The following CENPW variants were observed in gnomAD, a reference collection of about 807,000 sequenced individuals.
CENPW encodes cancer-up-regulated gene 2 protein.
CENPW carries 3 observed loss-of-function variants against 11.1 expected under a neutral mutation model. That is an observed-to-expected ratio of 0.27 (90% CI 0.12 to 0.70). CENPW has a LOEUF of 0.70. Ranked by LOEUF, CENPW falls within the 30% of genes least tolerant of loss-of-function variation. The pLI, the probability that CENPW is intolerant of heterozygous loss-of-function variation, is 0.77. For missense variants in CENPW, 100 were observed against 105.6 expected, an observed-to-expected ratio of 0.95 and a Z score of 0.23; for synonymous variants, 38 against 42.0, an observed-to-expected ratio of 0.91 and a Z score of 0.37.
the CENPW span, among the ~76,000 whole-genome samples, chr6:126,462,922 G>A: frequency 6.6e-6 from 1 of 151,964 alleles, no homozygotes; most frequent in East Asian, 1.9e-4. Flanking sequence ...TGGTAAATTT[G>A]TATTTTGCAA....
At chr6:126,389,368 C>T in the CENPW span, among the ~76,000 whole-genome samples, 1 of 151,944 alleles carries the variant, frequency 6.6e-6, no homozygotes, top group South Asian at 2.1e-4. Flanking sequence ...TTTCTACCTC[C>T]TTAGGCTTCC....
At chr6:126,368,127 G>A in the CENPW span, among the ~76,000 whole-genome samples, 2 of 152,150 alleles carry the variant, frequency 1.3e-5, no homozygotes, top group Non-Finnish European at 2.9e-5. Context: ...GCCTTTCTTC[G>A]TCTTTGTGCC....
intron 1 of CENPW, among the ~76,000 whole-genome samples, chr6:126,345,223 G>A (rs375893979): frequency 6.6e-6 from 1 of 151,674 alleles, no homozygotes; most frequent in African/African-American, 2.4e-5. Context: ...TTAACAAAGT[G>A]TTATTTTATA....
At chr6:126,418,920 G>A in the CENPW span, among the ~76,000 whole-genome samples, 2 of 137,752 alleles carry the variant, frequency 1.5e-5, no homozygotes, top group Admixed American at 7.5e-5. Context: ...ATCACACACC[G>A]GGGCCTGTTG....
chr6:126,419,089 T>A, the CENPW span, among the ~76,000 whole-genome samples: 1 of 151,900 alleles, frequency 6.6e-6, no homozygotes, highest in African/African-American at 2.4e-5. Context: ...TAATAAAATA[T>A]ATATATATTT....
chr6:126,454,743 T>G, the CENPW span, among the ~76,000 whole-genome samples: 40 of 151,068 alleles, frequency 2.6e-4, no homozygotes, highest in African/African-American at 8.0e-4. Context: ...TGAAGGAAAT[T>G]GAGACACAAA....
At chr6:126,473,345 C>T in the CENPW span, among the ~76,000 whole-genome samples, 3 of 152,126 alleles carry the variant, frequency 2.0e-5, no homozygotes, top group African/African-American at 7.2e-5. Context: ...GGCAAACTTT[C>T]TTCCATAGTG....
At chr6:126,363,985 C>T in the CENPW span, among the ~76,000 whole-genome samples, 2 of 152,130 alleles carry the variant, frequency 1.3e-5, no homozygotes, top group African/African-American at 4.8e-5. Flanking sequence ...GTCTCTTTTT[C>T]TTTTATGATG....
the CENPW span, among the ~76,000 whole-genome samples, chr6:126,433,599 G>T: frequency 6.6e-6 from 1 of 152,240 alleles, no homozygotes; most frequent in African/African-American, 2.4e-5. Context: ...GGAACAAGAG[G>T]ATTCTTTTAG....
chr6:126,370,825 T>C, the CENPW span, among the ~76,000 whole-genome samples: 1 of 151,890 alleles, frequency 6.6e-6, no homozygotes, highest in Non-Finnish European at 1.5e-5. Flanking sequence ...TGATCTCGGC[T>C]CACTACAACC....
chr6:126,361,099 A>G, the CENPW span, among the ~76,000 whole-genome samples: 3 of 152,130 alleles, frequency 2.0e-5, no homozygotes, highest in South Asian at 6.2e-4. Context: ...TCATTTCGCG[A>G]TGCATTCAGA....
the CENPW span, among the ~76,000 whole-genome samples, chr6:126,407,176 A>G: frequency 9.0e-4 from 137 of 152,290 alleles, 1 homozygote; most frequent in African/African-American, 3.1e-3. Context: ...AAGTGAGAAC[A>G]TAATGGTGTA....
the CENPW span, among the ~76,000 whole-genome samples, chr6:126,391,114 C>T: frequency 1.3e-5 from 2 of 151,990 alleles, no homozygotes; most frequent in African/African-American, 4.8e-5. Flanking sequence ...TCCCTTTTCT[C>T]CATATCCTTG....
At chr6:126,446,364 C>G in the CENPW span, among the ~76,000 whole-genome samples, 145 of 148,776 alleles carry the variant, frequency 9.7e-4, no homozygotes, top group Admixed American at 1.9e-3. Context: ...CTGGCCCCCC[C>G]ACAAGAAAAA....
At chr6:126,426,564 T>C in the CENPW span, among the ~76,000 whole-genome samples, 12 of 152,256 alleles carry the variant, frequency 7.9e-5, no homozygotes, top group African/African-American at 2.6e-4. Context: ...GCATACTACA[T>C]AGTCAGAAAT....
At chr6:126,426,989 G>A in the CENPW span, among the ~76,000 whole-genome samples, 1 of 152,096 alleles carries the variant, frequency 6.6e-6, no homozygotes, top group African/African-American at 2.4e-5. Context: ...CACCTGATTT[G>A]TTTCAGTATA....
At chr6:126,455,673 C>G in the CENPW span, among the ~76,000 whole-genome samples, 1 of 151,250 alleles carries the variant, frequency 6.6e-6, no homozygotes, top group African/African-American at 2.4e-5. Flanking sequence ...ATAAGGATGC[C>G]CACTTTCACC....
the CENPW span, among the ~76,000 whole-genome samples, chr6:126,394,356 T>C: frequency 6.6e-6 from 1 of 152,080 alleles, no homozygotes; most frequent in African/African-American, 2.4e-5. Context: ...TTTTAATCTA[T>C]TATTTCAAAC....
At chr6:126,388,707 C>T in the CENPW span, among the ~76,000 whole-genome samples, 2 of 151,996 alleles carry the variant, frequency 1.3e-5, no homozygotes, top group African/African-American at 2.4e-5. Flanking sequence ...GTCTTTCTAT[C>T]AGTTGGTAAA....
Sources: allele counts gnomAD v4.1 joint callset (sites outside exome capture counted in the v4.1 genomes callset), GRCh38; gene constraint gnomAD v4.1.1; transcripts MANE v1.5; gene names NCBI Gene and HGNC (gene_info 2026-07-23, HGNC 2026-07-21).